The following SKOR1 variants were observed in gnomAD, a reference collection of about 807,000 sequenced individuals.
The protein encoded by SKOR1 is LBX1 corepressor 1.
In SKOR1, 38 loss-of-function variants were observed where a neutral mutation model predicts 72.4. The ratio of observed to expected loss-of-function variants is 0.52; its 90% confidence interval spans 0.40 to 0.69. The LOEUF (loss-of-function observed/expected upper bound fraction) is 0.69. Ranked by LOEUF, SKOR1 falls within the 30% of genes least tolerant of loss-of-function variation. The probability of loss-of-function intolerance (pLI) is 0.00; values close to 1 mark genes in which losing one functional copy is unlikely to be tolerated. For missense variants in SKOR1, 1,320 were observed against 1,343.2 expected (o/e 0.98, Z 0.27); for synonymous variants, 642 against 599.4 (o/e 1.07, Z -1.04).
Position 67,833,164 on chromosome 15 carries a change from C to T in SKOR1, c.2738-28C>T, listed in dbSNP as rs762318612. On this transcript the variant is annotated intron_variant, in intron 7 of 8. Transcript: ENST00000380035. This position sits in a 1 kb window ranked among gnomAD's most constrained non-coding sequence, Gnocchi z 6.0. ...CCTTTCGGAGGGTGGTCTGCGTTTCCTCACTGGCCCCTCCCCTTGTCTTCC... is the reference window on the plus strand; with the variant it reads ...CCTTTCGGAGGGTGGTCTGCGTTTCTTCACTGGCCCCTCCCCTTGTCTTCC... 24 of 1,613,784 alleles carry T rather than the reference C, an allele frequency of 1.5e-5. No individual in the cohort carries two copies. Among genetic ancestry groups the T allele is most frequent in the East Asian group, 2.2e-5 (1 of 44,878 alleles).
rs2141365011 is a variant in SKOR1 at position 67,826,119 on chromosome 15, C to T, written c.291C>T (p.Arg97=). Residue 97 remains arginine, a synonymous_variant, in exon 2 of 9, where the codon CGC becomes CGT. Transcript: ENST00000380035. ...CGCTGGTCATCGACGGCCAGGAGCG[C>T]CTATGCCTGGCGCAGATCTCCAACA... ...IVSLVIDGQE[R]LCLAQISNTL... is the part of the protein sequence containing the mutation. 6.2e-7 allele frequency: 1 copy of T among 1,602,810 alleles called. No homozygotes were observed. Among genetic ancestry groups the T allele is most frequent in the East Asian group, 2.2e-5 (1 of 44,598 alleles).
chr15:67,829,992 C>T (rs1031184035), intron 3 of SKOR1, among the ~76,000 whole-genome samples, 199 bp from the exon 4 acceptor site: 1 of 152,150 alleles, frequency 6.6e-6, no homozygotes, highest in Non-Finnish European at 1.5e-5. Context: ...GCCTGAAGCC[C>T]GGAGATGAGC....
At chr15:67,828,275 C>A (rs886893181) in intron 2 of SKOR1, 131 bp downstream of exon 2, 1 of 1,335,982 alleles carries the variant, frequency 7.5e-7, no homozygotes, top group African/African-American at 1.5e-5. Flanking sequence ...GGCCACTCTC[C>A]GCAGGCCCAG....
chr15:67,827,727 C>T lies in SKOR1; in HGVS notation c.1899C>T (p.Tyr633=). 2.6e-6 allele frequency: 4 copies of T among 1,544,804 alleles called. No homozygotes were observed. Among genetic ancestry groups the T allele is most frequent in the Non-Finnish European group, 3.5e-6 (4 of 1,144,426 alleles). Residue 633 remains tyrosine, a synonymous_variant, in exon 2 of 9, where the codon TAC becomes TAT. Transcript: ENST00000380035. ...GACCCGGCGCTGGGAGCGGCGGCTA[C>T]GTGAGCCCGGACTTTCTGAGCGAGG... The part of the protein sequence containing the change: ...GPGPGAGSGG[Y]VSPDFLSEGS...
Position 67,826,023 on chromosome 15 carries a change from G to A in SKOR1, c.195G>A (p.Pro65=), listed in dbSNP as rs778893993. 4 of 1,562,078 alleles carry A rather than the reference G, an allele frequency of 2.6e-6. No individual in the cohort carries two copies. Among genetic ancestry groups the A allele is most frequent in the Non-Finnish European group, 3.5e-6 (4 of 1,150,268 alleles). ...CCAACTCCAAGCAGGAGCTGCAGCC[G>A]TACTCGGGCTCCAGCGCTCTCAAAC... is the stretch of plus-strand genomic sequence containing the variant. The part of the protein sequence containing the change: ...SSPNSKQELQ[P]YSGSSALKPN... Residue 65 remains proline, a synonymous_variant, in exon 2 of 9, where the codon CCG becomes CCA. Transcript: ENST00000380035.
At position 67,829,248 on chromosome 15, in the gene SKOR1, G is replaced by C. The variant is rs2090989784; in HGVS notation, c.2386G>C (p.Val796Leu). The change falls in exon 3 of 9, where the codon GTC (valine) becomes CTC (leucine). Residue 796 changes from valine (V) to leucine (L), a missense_variant. Val to Leu is a conservative substitution (Grantham distance 32). Transcript: ENST00000380035. ...GGCGCTGGGGCCCGCGGCCTCCTAC[G>C]TCTGCACCCCCGAGGCCCACGGTAA... is the stretch of plus-strand genomic sequence containing the variant. ...AVALGPAASY[V>L]CTPEAHEPDK... The C allele has an allele frequency of 6.4e-7, 1 of 1,565,532 alleles. No homozygotes were observed. The highest frequency in any genetic ancestry group is 8.6e-7 in the Non-Finnish European group (1 of 1,163,224).
At chr15:67,830,992 C>T (rs2091004515) in intron 5 of SKOR1, 103 bp downstream of exon 5, 1 of 1,169,404 alleles carries the variant, frequency 8.6e-7, no homozygotes, top group Non-Finnish European at 1.3e-6. Context: ...GGAAAAGACA[C>T]TCACCAAGGC....
chr15:67,828,573 G>C (rs1303099064), intron 2 of SKOR1, among the ~76,000 whole-genome samples: 1 of 152,210 alleles, frequency 6.6e-6, no homozygotes, highest in African/African-American at 2.4e-5. Context: ...CTCTCCCTGA[G>C]TCGGGCCCCA....
chr15:67,829,170 C>A lies in SKOR1; in HGVS notation c.2317-9C>A. 6.5e-7 allele frequency: 1 copy of A among 1,539,980 alleles called. No homozygotes were observed. ...ACCCTAATCGCCTGTCATTTCTCGG[C>A]CGTCGCAGGTGTTCGCGCCCGAGAG... On this transcript the variant is annotated splice_polypyrimidine_tract_variant and intron_variant, in intron 2 of 8. Transcript: ENST00000380035.
Position 67,832,852 on chromosome 15 carries a change from C to A in SKOR1, c.2737+171C>A. The A allele has an allele frequency of 1.6e-6, 1 of 624,716 alleles. No homozygotes were observed. 38.7% of individuals were successfully genotyped at this position (624,716 alleles called of 1,614,324 possible). A position where few individuals can be genotyped will look rare whatever the true frequency, so the allele number is the denominator to read the frequency against. On this transcript the variant is annotated intron_variant, in intron 7 of 8. Transcript: ENST00000380035. The surrounding 1 kb of genome is among the most constrained non-coding windows in gnomAD (Gnocchi z 4.5). ...TTAGCCTCAGAATGGCAAGCGAGCC[C>A]AGCAAACGGCTTGCAGGCATCATTA... is the stretch of plus-strand genomic sequence containing the variant.
In SKOR1 at chr15:67,830,879, C is replaced by G. The variant is rs758283495; in HGVS notation, c.2577C>G (p.Asn859Lys). Residue 859 changes from asparagine to lysine, a missense_variant, in exon 5 of 9, where the codon AAC becomes AAG. This residue lies in a region of SKOR1 where 1,099 missense variants were observed against 1,025.5 expected (regional missense o/e 1.07). Transcript: ENST00000380035. ...ATTTGGTGGAGAAAGATATCGAGAA[C>G]CTGGCCAGAGGTGAGGATAAATTTG... ...GTHLVEKDIE[N>K]LAREELQKLL... is the part of the protein sequence containing the mutation. 1.9e-6 allele frequency: 3 copies of G among 1,613,954 alleles called. No individual in the cohort carries two copies. In the African/African-American group the frequency reaches 4.0e-5, roughly 22 times the overall value.
chr15:67,833,957 C>T lies in SKOR1; in HGVS notation c.*121C>T. 9.2e-7 allele frequency: 1 copy of T among 1,091,192 alleles called. No individual in the cohort carries two copies. The allele number at this position is 1,091,192 out of a possible 1,614,324, so 67.6% of individuals were successfully genotyped here. The stretch of plus-strand genomic sequence containing the variant: ...ACCCGACCGATGTAAATACAGCCGC[C>T]CGTCCGCCCGCCTTCCTCCCGGGCT... On this transcript the variant is annotated 3_prime_UTR_variant, in exon 9 of 9. Coordinates refer to ENST00000380035, the MANE Select transcript of SKOR1 (RefSeq NM_001365915.1). The surrounding 1 kb of genome is among the most constrained non-coding windows in gnomAD (Gnocchi z 6.0).
intron 4 of SKOR1, 80 bp from the exon 5 acceptor site, chr15:67,830,738 G>A (rs1337890179): frequency 1.0e-5 from 14 of 1,368,926 alleles, no homozygotes; most frequent in Non-Finnish European, 1.4e-5. Flanking sequence ...CTGATTCGAT[G>A]TGGTTCCTGG....
In SKOR1 at chr15:67,833,650, G is replaced by T. The variant is rs2075919276; in HGVS notation, c.2804-92G>T. 1 of 1,324,800 alleles carries T rather than the reference G, an allele frequency of 7.5e-7. No individual in the cohort carries two copies. Among genetic ancestry groups the T allele is most frequent in the Non-Finnish European group, 1.1e-6 (1 of 922,888 alleles). The allele number at this position is 1,324,800 out of a possible 1,614,324, so 82.1% of individuals were successfully genotyped here. On this transcript the variant is annotated intron_variant, in intron 8 of 8. Transcript: ENST00000380035. This position sits in a 1 kb window ranked among gnomAD's most constrained non-coding sequence, Gnocchi z 6.0. ...CGGTTGAGATTCCCTGACCCCAAAG[G>T]GTTGGTAAGGCCGGGGAGGGGAAAG...
rs778141314 is a variant in SKOR1 at position 67,832,716 on chromosome 15, C to G, written c.2737+35C>G. ...GAGTCAGGTGAGCTCGTGCACGGGCCGTAACTGCCTCTCGTCTGGCAGGAG... is the reference window on the plus strand; with the variant it reads ...GAGTCAGGTGAGCTCGTGCACGGGCGGTAACTGCCTCTCGTCTGGCAGGAG... On this transcript the variant is annotated intron_variant, in intron 7 of 8. Transcript: ENST00000380035. The surrounding 1 kb of genome is among the most constrained non-coding windows in gnomAD (Gnocchi z 4.5). 8 of 1,567,672 alleles carry G rather than the reference C, an allele frequency of 5.1e-6. No individual in the cohort carries two copies. The highest frequency in any genetic ancestry group is 1.4e-5 in the African/African-American group (1 of 74,072).
Position 67,827,212 on chromosome 15 carries a change from G to A in SKOR1, c.1384G>A (p.Gly462Arg), listed in dbSNP as rs2141366014. ...CCCGGGCGGCGGCGCCATGTTCTGG[G>A]GGCATCAACCCTCCGGGGCAGCCAA... ...AGPGGGAMFWGHQPSGAAKDA... is the reference protein window; with the variant it reads ...AGPGGGAMFWRHQPSGAAKDA... Residue 462 changes from glycine to arginine, a missense_variant, in exon 2 of 9, where the codon GGG becomes AGG. Around this residue, in one of 3 missense-constraint regions of SKOR1, gnomAD observed 1,099 missense variants for 1,025.5 expected, o/e 1.07. Transcript: ENST00000380035. 1 of 1,543,874 alleles carries A rather than the reference G, an allele frequency of 6.5e-7. No individual in the cohort carries two copies. The highest frequency in any genetic ancestry group is 8.7e-7 in the Non-Finnish European group (1 of 1,153,936).
rs774925772 is a variant in SKOR1, at chr15:67,827,326, G to T, written c.1498G>T (p.Val500Leu). 60 of 1,590,138 alleles carry T rather than the reference G, an allele frequency of 3.8e-5. No individual in the cohort carries two copies. Among genetic ancestry groups the T allele is most frequent in the Non-Finnish European group, 4.9e-5 (58 of 1,176,088 alleles). Residue 500 changes from valine (V) to leucine (L), a missense_variant, in exon 2 of 9, where the codon GTA becomes TTA. Coordinates refer to ENST00000380035, the MANE Select transcript of SKOR1 (RefSeq NM_001365915.1). The part of the protein sequence containing the change: ...MFWPAAGSLP[V>L]PSYPAAQSQA... ...CTGGCCAGCAGCAGGCAGCCTCCCGGTACCGTCCTACCCCGCTGCTCAGAG... is the reference window on the plus strand; with the variant it reads ...CTGGCCAGCAGCAGGCAGCCTCCCGTTACCGTCCTACCCCGCTGCTCAGAG...
chr15:67,833,087 C>T lies in SKOR1; in HGVS notation c.2738-105C>T, dbSNP rs1266658976. 8.3e-6 allele frequency: 10 copies of T among 1,204,814 alleles called. No homozygotes were observed. The highest frequency in any genetic ancestry group is 1.2e-5 in the Non-Finnish European group (10 of 827,648). The allele number at this position is 1,204,814 out of a possible 1,614,324, so 74.6% of individuals were successfully genotyped here. Reference sequence around the variant, plus strand: ...CCCTCCCCCATCCCTGGAGTTGTTTCTGCGCGGAGCTTAGCCCTGGGGAGA... The same window carrying T: ...CCCTCCCCCATCCCTGGAGTTGTTTTTGCGCGGAGCTTAGCCCTGGGGAGA... On this transcript the variant is annotated intron_variant, in intron 7 of 8. Coordinates refer to ENST00000380035, the MANE Select transcript of SKOR1 (RefSeq NM_001365915.1). The surrounding 1 kb of genome is among the most constrained non-coding windows in gnomAD (Gnocchi z 6.0).
At position 67,826,686 on chromosome 15, in the gene SKOR1, C is replaced by T. The variant is rs369403264; in HGVS notation, c.858C>T (p.Gly286=). The T allele has an allele frequency of 1.0e-4, 160 of 1,540,824 alleles. No homozygotes were observed. The highest frequency in any genetic ancestry group is 5.7e-4 in the Admixed American group (31 of 54,848). ...GGACCTTCTCCCTACAAGGAGGCGG[C>T]GGAGGCGGTGCCAATGGCGGGTCGG... ...RKRTFSLQGG[G]GGGANGGSGG... Residue 286 remains glycine (G), a synonymous_variant, in exon 2 of 9, where the codon GGC becomes GGT. Coordinates refer to ENST00000380035, the MANE Select transcript of SKOR1 (RefSeq NM_001365915.1).
Sources: allele counts gnomAD v4.1 joint callset (sites outside exome capture counted in the v4.1 genomes callset), GRCh38; gene constraint gnomAD v4.1.1; regional missense constraint gnomAD v4.1.1; non-coding constraint Gnocchi (gnomAD v3.1); transcripts MANE v1.5; gene names NCBI Gene and HGNC (gene_info 2026-07-23, HGNC 2026-07-21).